The following OTUB1 variants were observed in gnomAD, a reference collection of about 807,000 sequenced individuals.
OTUB1 encodes the protein OTU deubiquitinase, ubiquitin aldehyde binding 1.
OTUB1 carries 10 observed loss-of-function variants against 35.8 expected under a neutral mutation model. That is an observed-to-expected ratio of 0.28 (90% CI 0.17 to 0.47). The LOEUF (loss-of-function observed/expected upper bound fraction) is 0.47, where lower values mean the gene tolerates loss of function less well. OTUB1 is among the 20% of genes least tolerant of loss of function. The pLI, the probability that OTUB1 is intolerant of heterozygous loss-of-function variation, is 0.99. For missense variants in OTUB1, 264 were observed against 351.6 expected (o/e 0.75, Z 1.99); for synonymous variants, 158 against 143.8 (o/e 1.10, Z -0.71).
Position 63,997,344 on chromosome 11 carries a change from C to T in OTUB1, c.619-5C>T. On this transcript the variant is annotated splice_region_variant and splice_polypyrimidine_tract_variant and intron_variant, in intron 6 of 6. Transcript: ENST00000538426. ...ACCAGGGCCTGACCGGCACCTGTGC[C>T]ACAGGAGGTGGAGCCCATGTGCAAG... is the stretch of plus-strand genomic sequence containing the variant. The T allele has an allele frequency of 1.9e-6, 3 of 1,613,964 alleles. No individual in the cohort carries two copies. Among genetic ancestry groups the T allele is most frequent in the Non-Finnish European group, 2.5e-6 (3 of 1,179,952 alleles).
At position 63,988,326 on chromosome 11, in the gene OTUB1, C is replaced by T. The variant is rs778329122; in HGVS notation, c.59-11C>T. 1.3e-6 allele frequency: 2 copies of T among 1,551,604 alleles called. No homozygotes were observed. Among genetic ancestry groups the T allele is most frequent in the Non-Finnish European group, 8.7e-7 (1 of 1,146,764 alleles). On this transcript the variant is annotated splice_polypyrimidine_tract_variant and intron_variant, in intron 1 of 6. Transcript: ENST00000538426. ...ACCCCCTGTAATCTTTGGCTTTTTT[C>T]CTTTTCCCAGGTGTTAACTGTCTGG...
intron 1 of OTUB1, chr11:63,986,716 G>A (rs1590776933): frequency 3.3e-5 from 18 of 553,262 alleles, no homozygotes; most frequent in Middle Eastern, 4.8e-4. Flanking sequence ...GGGAGCACGG[G>A]CGAGGCGGGC....
intron 3 of OTUB1, among the ~76,000 whole-genome samples, chr11:63,996,135 C>G (rs1049393810): frequency 6.6e-6 from 1 of 152,092 alleles, no homozygotes; most frequent in Non-Finnish European, 1.5e-5. Context: ...AGGGCCCCAG[C>G]CACCTGGTTG....
intron 3 of OTUB1, among the ~76,000 whole-genome samples, chr11:63,994,309 G>T (rs1349327603): frequency 6.6e-6 from 1 of 152,106 alleles, no homozygotes; most frequent in Non-Finnish European, 1.5e-5. Context: ...CTGGAGTGCA[G>T]TGGAGCGATC....
At chr11:63,990,621 TA>T (rs1384891752) in intron 3 of OTUB1, 1 of 147,878 alleles carries the variant, frequency 6.8e-6, no homozygotes, top group African/African-American at 2.6e-5. Flanking sequence ...AATAAATAAA[TA>T]AATGTGACAA....
intron 1 of OTUB1, among the ~76,000 whole-genome samples, chr11:63,987,810 TTC>T (rs1942635088): frequency 6.6e-6 from 1 of 152,210 alleles, no homozygotes; most frequent in Non-Finnish European, 1.5e-5. Context: ...TCGTCCTACT[TTC>T]TGCAAGAGAC....
intron 1 of OTUB1, 32 bp downstream of exon 1, chr11:63,986,546 G>A (rs1483266931): frequency 3.3e-6 from 5 of 1,520,926 alleles, no homozygotes; most frequent in South Asian, 1.2e-5. Context: ...TCCGGCCCGG[G>A]CTAGTGGGGG....
intron 3 of OTUB1, among the ~76,000 whole-genome samples, chr11:63,992,404 TGGAGGCC>T (rs1028817464): frequency 1.1e-4 from 11 of 98,630 alleles, no homozygotes; most frequent in African/African-American, 4.2e-4. Context: ...GAGGCCAGCA[TGGAGGCC>T]AGTGTGGCTG....
In OTUB1 at chr11:63,993,409, C is replaced by T. The variant is rs59382023; in HGVS notation, c.220-3121C>T. ...AGGGGCAATGGCTCATGCCTGTAATCCTAGCACTTTGGGAGGCCAAGGTGG... is the reference window on the plus strand; with the variant it reads ...AGGGGCAATGGCTCATGCCTGTAATTCTAGCACTTTGGGAGGCCAAGGTGG... On this transcript the variant is annotated intron_variant, in intron 3 of 6. Coordinates refer to ENST00000538426, the MANE Select transcript of OTUB1 (RefSeq NM_017670.3). Among the ~76,000 whole-genome samples, 60 of 152,226 alleles carry T rather than the reference C, an allele frequency of 3.9e-4. No individual in the cohort carries two copies. In the East Asian group the frequency reaches 0.01, roughly 25 times the overall value.
At chr11:63,992,751 A>G (rs60472198) in intron 3 of OTUB1, among the ~76,000 whole-genome samples, 6,875 of 152,048 alleles carry the variant, frequency 0.045, 502 homozygotes, top group African/African-American at 0.16. Flanking sequence ...GGGTTTCACC[A>G]TATTGGCTAG....
intron 3 of OTUB1, among the ~76,000 whole-genome samples, chr11:63,994,564 T>C (rs1359621763): frequency 6.6e-6 from 1 of 152,238 alleles, no homozygotes; most frequent in African/African-American, 2.4e-5. Context: ...GTGACTGTTT[T>C]CTTGCAGGTG....
intron 3 of OTUB1, among the ~76,000 whole-genome samples, chr11:63,992,273 T>G (rs1590780125): frequency 6.7e-6 from 1 of 149,762 alleles, no homozygotes; most frequent in East Asian, 1.9e-4. Context: ...CAGGGCTTGG[T>G]GAAGGCCTTG....
intron 3 of OTUB1, among the ~76,000 whole-genome samples, chr11:63,992,009 G>A (rs1942676890): frequency 1.3e-5 from 2 of 152,106 alleles, no homozygotes; most frequent in African/African-American, 4.8e-5. Flanking sequence ...CCTGAGGTCA[G>A]GAGTTCGAGA....
At position 63,991,253 on chromosome 11, in the gene OTUB1, G is replaced by A. The variant is rs945187480; in HGVS notation, c.219+2501G>A. Among the ~76,000 whole-genome samples, 4 of 152,264 alleles carry A rather than the reference G, an allele frequency of 2.6e-5. 1 individual carries two copies. The highest frequency in any genetic ancestry group is 3.9e-4 in the East Asian group (2 of 5,184). On this transcript the variant is annotated intron_variant, in intron 3 of 6. Coordinates refer to ENST00000538426, the MANE Select transcript of OTUB1 (RefSeq NM_017670.3). ...TTGTGAGGGTTGAAGGAGATGTTAC[G>A]GGCGGTTGTAAGCAGCGGGTTACAA...
chr11:63,988,485 C>A, intron 2 of OTUB1, 87 bp downstream of exon 2: 1 of 1,415,162 alleles, frequency 7.1e-7, no homozygotes, highest in South Asian at 1.2e-5. Flanking sequence ...TATTGTCTGT[C>A]TCTACTTTGG....
chr11:63,996,699 C>A (rs1942720956), intron 4 of OTUB1, 51 bp downstream of exon 4: 1 of 1,613,698 alleles, frequency 6.2e-7, no homozygotes, highest in Admixed American at 1.7e-5. Context: ...CTACCTCCTC[C>A]CCGGGCGAGT....
At position 63,998,282 on chromosome 11, in the gene OTUB1, G is replaced by T; in HGVS notation, c.*736G>T. On this transcript the variant is annotated 3_prime_UTR_variant, in exon 7 of 7. Transcript: ENST00000538426. ...CTTGCACCCCCTCTGCTTGGGCCAC[G>T]GTGTCTCTGCATTGCCTGCCTTTTT... is the stretch of plus-strand genomic sequence containing the variant. 5.6e-6 allele frequency: 1 copy of T among 179,404 alleles called. No homozygotes were observed. The highest frequency in any genetic ancestry group is 1.2e-5 in the Non-Finnish European group (1 of 83,724). The allele number at this position is 179,404 out of a possible 1,614,324, so 11.1% of individuals were successfully genotyped here.
intron 1 of OTUB1, 25 bp downstream of exon 1, chr11:63,986,539 G>A (rs1269131728): frequency 1.3e-6 from 2 of 1,533,710 alleles, no homozygotes; most frequent in South Asian, 1.2e-5. Context: ...AGGGATGTCC[G>A]GCCCGGGCTA....
Position 63,997,568 on chromosome 11 carries a change from G to A in OTUB1, c.*22G>A. 6.2e-7 allele frequency: 1 copy of A among 1,601,226 alleles called. No individual in the cohort carries two copies. Among genetic ancestry groups the A allele is most frequent in the Non-Finnish European group, 8.6e-7 (1 of 1,169,310 alleles). Reference sequence around the variant, plus strand: ...ATAGGGCTGGCTCCAGCCCGCTGCTGCCCTGCTGCCCCCCTCTGCCAGGCG... The same window carrying A: ...ATAGGGCTGGCTCCAGCCCGCTGCTACCCTGCTGCCCCCCTCTGCCAGGCG... On this transcript the variant is annotated 3_prime_UTR_variant, in exon 7 of 7. Transcript: ENST00000538426.
Sources: gnomAD v4.1 joint callset for allele counts (sites outside exome capture counted in the v4.1 genomes callset) on GRCh38, gnomAD v4.1.1 for gene constraint, MANE v1.5 for transcripts, NCBI Gene and HGNC (gene_info 2026-07-23, HGNC 2026-07-21) for gene names.